Variants in HSD17B12 observed in about 807,000 individuals in gnomAD.
The protein encoded by HSD17B12 is hydroxysteroid 17-beta dehydrogenase 12, also known as very-long-chain 3-oxoacyl-CoA reductase.
In HSD17B12, 32 loss-of-function variants were observed where a neutral mutation model predicts 39.3. The ratio of observed to expected loss-of-function variants is 0.81; its 90% CI spans 0.61 to 1.09. HSD17B12 has a LOEUF of 1.09. HSD17B12 is among the 50% of genes least tolerant of loss of function. The pLI is 0.00. For synonymous variants in HSD17B12, 150 were observed against 146.7 expected (o/e 1.02, Z -0.16); for missense variants, 342 against 382.9 (o/e 0.89, Z 0.89).
At chr11:43,800,964 C>T (rs564062204) in intron 4 of HSD17B12, among the ~76,000 whole-genome samples, 2 of 152,040 alleles carry the variant, frequency 1.3e-5, no homozygotes, top group East Asian at 3.9e-4. Flanking sequence ...CATGACGAAA[C>T]CCCATCTCTA....
the HSD17B12 span, among the ~76,000 whole-genome samples, chr11:43,662,018 C>G: frequency 6.6e-6 from 1 of 152,072 alleles, no homozygotes; most frequent in African/African-American, 2.4e-5. Context: ...TTTATACTTT[C>G]CTTCTTGTGG....
the HSD17B12 span, among the ~76,000 whole-genome samples, chr11:43,564,056 A>G: frequency 2.2e-3 from 340 of 152,186 alleles, 1 homozygote; most frequent in African/African-American, 7.7e-3. Context: ...TATGTTGTCC[A>G]GGCTATTCTC....
intron 1 of HSD17B12, 29 bp downstream of exon 1, chr11:43,681,016 C>T (rs907052167): frequency 7.7e-6 from 12 of 1,558,552 alleles, no homozygotes; most frequent in Non-Finnish European, 1.0e-5. Flanking sequence ...CGCGTCCTCG[C>T]TCCCGCGGCG....
chr11:43,619,077 A>G, the HSD17B12 span, among the ~76,000 whole-genome samples: 2 of 149,510 alleles, frequency 1.3e-5, no homozygotes, highest in African/African-American at 4.9e-5. Flanking sequence ...CAAGGGAGAG[A>G]ACCTAAGTGG....
the HSD17B12 span, among the ~76,000 whole-genome samples, chr11:43,585,839 G>A: frequency 6.6e-6 from 1 of 152,186 alleles, no homozygotes; most frequent in Non-Finnish European, 1.5e-5. Context: ...TAATAAGGCG[G>A]GGTGGTGGGA....
At chr11:43,680,379 A>G (rs1437181944), upstream of HSD17B12, among the ~76,000 whole-genome samples, 1 of 152,178 alleles carries the variant, frequency 6.6e-6, no homozygotes, top group East Asian at 1.9e-4. Flanking sequence ...GCCTACGCCC[A>G]CTTCTTACTA....
At chr11:43,798,879 G>A (rs893352148) in intron 4 of HSD17B12, among the ~76,000 whole-genome samples, 4 of 152,054 alleles carry the variant, frequency 2.6e-5, no homozygotes, top group Non-Finnish European at 5.9e-5. Context: ...TAGACACACT[G>A]GTAAACTCAA....
chr11:43,700,560 G>T (rs917743167), intron 1 of HSD17B12, among the ~76,000 whole-genome samples: 11 of 151,928 alleles, frequency 7.2e-5, no homozygotes, highest in African/African-American at 2.7e-4. Flanking sequence ...TTGAGTTTTA[G>T]AGCCCATAAG....
the HSD17B12 span, among the ~76,000 whole-genome samples, chr11:43,568,502 A>G: frequency 6.6e-6 from 1 of 152,246 alleles, no homozygotes; most frequent in African/African-American, 2.4e-5. Context: ...CCCAAGTTGA[A>G]GAAAGCAGGG....
the HSD17B12 span, among the ~76,000 whole-genome samples, chr11:43,636,589 A>AT: frequency 5.5e-3 from 796 of 145,510 alleles, 4 homozygotes; most frequent in African/African-American, 0.014. Flanking sequence ...GTCCAGATCT[A>AT]TTTTTTTTTT....
chr11:43,759,232 A>G (rs1038597991), intron 3 of HSD17B12, among the ~76,000 whole-genome samples: 5 of 152,206 alleles, frequency 3.3e-5, no homozygotes, highest in Non-Finnish European at 7.3e-5. Context: ...CTGTCATCAT[A>G]TAAACTTGGG....
rs1950212275 is a variant in HSD17B12 at position 43,725,407 on chromosome 11, TAAC to T, written c.161-25501_161-25499del. Among the ~76,000 whole-genome samples the T allele has an allele frequency of 2.6e-5, 4 of 152,308 alleles. No individual in the cohort carries two copies. In the South Asian group the frequency reaches 8.3e-4, roughly 32 times the overall value. ...GCTGGTTAATTCATAATAACAGTAA[TAAC>T]AATGATGGGGATAACAACAAATATT... On this transcript the variant is annotated intron_variant, in intron 1 of 10. Coordinates refer to ENST00000278353, the MANE Select transcript of HSD17B12 (RefSeq NM_016142.3).
At chr11:43,851,657 G>A (rs567127406) in intron 9 of HSD17B12, among the ~76,000 whole-genome samples, 57 of 152,062 alleles carry the variant, frequency 3.7e-4, no homozygotes, top group African/African-American at 1.2e-3. Context: ...ACTCTTCTTC[G>A]GTGCTGTCCA....
chr11:43,619,243 A>ATAT, the HSD17B12 span, among the ~76,000 whole-genome samples: 3 of 11,780 alleles, frequency 2.5e-4, no homozygotes, highest in Non-Finnish European at 3.8e-4. Flanking sequence ...ATATATATAT[A>ATAT]AAATATATAT....
chr11:43,816,767 T>C (rs10838180), intron 6 of HSD17B12, among the ~76,000 whole-genome samples: 96,419 of 151,548 alleles, frequency 0.64, 31,125 homozygotes, highest in East Asian at 0.71. Flanking sequence ...TCCCTTACCC[T>C]CTTCCACCCT....
At chr11:43,558,013 C>T in the HSD17B12 span, among the ~76,000 whole-genome samples, 5 of 152,124 alleles carry the variant, frequency 3.3e-5, no homozygotes, top group Admixed American at 6.5e-5. Flanking sequence ...CCAGTTTTTC[C>T]GTTGGGTTCT....
chr11:43,639,474 G>A, the HSD17B12 span, among the ~76,000 whole-genome samples: 1 of 152,124 alleles, frequency 6.6e-6, no homozygotes, highest in African/African-American at 2.4e-5. Flanking sequence ...GCACAGCCTA[G>A]TTACAATCCC....
At chr11:43,855,094 GC>G (rs765449341) in intron 10 of HSD17B12, 49 bp from the exon 11 acceptor site, 1 of 1,320,632 alleles carries the variant, frequency 7.6e-7, no homozygotes, top group South Asian at 1.3e-5. Context: ...CTTCAATTTA[GC>G]CCAAATTGTA....
At chr11:43,719,930 T>C (rs1461320727) in intron 1 of HSD17B12, among the ~76,000 whole-genome samples, 5 of 152,208 alleles carry the variant, frequency 3.3e-5, no homozygotes, top group African/African-American at 1.2e-4. Context: ...TTTGAGAGTT[T>C]TCTATGAATG....
Sources: allele counts gnomAD v4.1 joint callset (sites outside exome capture counted in the v4.1 genomes callset), GRCh38; gene constraint gnomAD v4.1.1; transcripts MANE v1.5; gene names NCBI Gene and HGNC (gene_info 2026-07-23, HGNC 2026-07-21).